Variants in ADAM28 observed in about 807,000 individuals in gnomAD.
The protein encoded by ADAM28 is ADAM metallopeptidase domain 28.
ADAM28 carries 105 observed loss-of-function variants against 101.2 expected under a neutral mutation model. The observed-to-expected ratio is 1.04, with a 90% CI of 0.89 to 1.22. The LOEUF (loss-of-function observed/expected upper bound fraction) is 1.22. ADAM28 is among the 50% of genes most tolerant of loss of function. The pLI, the probability that ADAM28 is intolerant of heterozygous loss-of-function variation, is 0.00. For synonymous variants in ADAM28, 322 were observed against 310.6 expected (o/e 1.04, Z -0.39); for missense variants, 1,028 against 945.4 (o/e 1.09, Z -1.15).
intron 14 of ADAM28, 117 bp from the exon 15 acceptor site, chr8:24,339,349 G>T: frequency 2.7e-6 from 2 of 747,662 alleles, no homozygotes; most frequent in African/African-American, 1.8e-5. Context: ...TTTCTTGCTT[G>T]TTTTATATTT....
At position 24,343,435 on chromosome 8, in the gene ADAM28, T is replaced by A. The variant is rs1815027203; in HGVS notation, c.1912-71T>A. 43 of 1,471,864 alleles carry A rather than the reference T, an allele frequency of 2.9e-5. No individual in the cohort carries two copies. In the South Asian group the frequency reaches 5.0e-4, roughly 17 times the overall value. 91.2% of individuals were successfully genotyped at this position (1,471,864 alleles called of 1,614,324 possible). On this transcript the variant is annotated intron_variant, in intron 17 of 22. Coordinates refer to ENST00000265769, the MANE Select transcript of ADAM28 (RefSeq NM_014265.6). ...TATTCCTTTTTCTGCATGAACTTTA[T>A]TATGGATGAGTAGGGCCTTGAGTTT...
At chr8:24,329,147 G>A (rs1469111581) in intron 10 of ADAM28, among the ~76,000 whole-genome samples, 2 of 152,008 alleles carry the variant, frequency 1.3e-5, no homozygotes, top group Non-Finnish European at 2.9e-5. Context: ...TTTCTATATA[G>A]GAGGTTTTAC....
In ADAM28 at chr8:24,330,134, TG is replaced by T; in HGVS notation, c.1103+23del. 2 of 1,608,960 alleles carry T rather than the reference TG, an allele frequency of 1.2e-6. No homozygotes were observed. Among genetic ancestry groups the T allele is most frequent in the Non-Finnish European group, 1.7e-6 (2 of 1,176,564 alleles). ...CACTGAGGTGAGGCTCTCTGGGCCC[TG>T]GGGACATGCTATGTAGCCCTGGTTT... is the stretch of plus-strand genomic sequence containing the variant. On this transcript the variant is annotated intron_variant, in intron 11 of 22. Transcript: ENST00000265769.
At position 24,358,162 on chromosome 8, in the gene ADAM28, C is replaced by T. The variant is rs1040956405; in HGVS notation, c.*3758C>T. On this transcript the variant is annotated 3_prime_UTR_variant, in exon 23 of 23. Transcript: ENST00000265769. Reference sequence around the variant, plus strand: ...GTATAAACTTTATTACTGCTTCCCACAGTAAATATTTTTCAGAAGTACATG... The same window carrying T: ...GTATAAACTTTATTACTGCTTCCCATAGTAAATATTTTTCAGAAGTACATG... 3 of 152,174 alleles carry T rather than the reference C, an allele frequency of 2.0e-5. No individual in the cohort carries two copies. Among genetic ancestry groups the T allele is most frequent in the Admixed American group, 6.5e-5 (1 of 15,268 alleles). 9.4% of individuals were successfully genotyped at this position (152,174 alleles called of 1,614,324 possible).
At chr8:24,347,857 C>A (rs1405808020) in intron 18 of ADAM28, among the ~76,000 whole-genome samples, 1 of 152,020 alleles carries the variant, frequency 6.6e-6, no homozygotes, top group African/African-American at 2.4e-5. Context: ...TGTATTTGCC[C>A]TGAAATAACA....
At chr8:24,350,113 C>A in intron 19 of ADAM28, 141 bp downstream of exon 19, 1 of 674,766 alleles carries the variant, frequency 1.5e-6, no homozygotes, top group Non-Finnish European at 2.3e-6. Context: ...TCTTTTTGGA[C>A]GAGAAACTGG....
intron 2 of ADAM28, 110 bp downstream of exon 2, chr8:24,300,187 T>A: frequency 4.5e-6 from 4 of 893,896 alleles, no homozygotes; most frequent in Non-Finnish European, 6.7e-6. Flanking sequence ...TGTATGTTTA[T>A]ATATGTGTGT....
intron 18 of ADAM28, among the ~76,000 whole-genome samples, chr8:24,344,222 G>C (rs998764778): frequency 6.6e-6 from 1 of 152,054 alleles, no homozygotes; most frequent in Non-Finnish European, 1.5e-5. Flanking sequence ...CCAGAGTGGG[G>C]ACCCACCTCC....
At chr8:24,333,334 A>G (rs1013381739) in intron 13 of ADAM28, among the ~76,000 whole-genome samples, 14 of 152,190 alleles carry the variant, frequency 9.2e-5, no homozygotes, top group Non-Finnish European at 1.5e-5. Context: ...CTCACCACAC[A>G]CACACCCACA....
chr8:24,340,756 A>G (rs193206884), intron 15 of ADAM28: 2 of 152,174 alleles, frequency 1.3e-5, no homozygotes, highest in Admixed American at 1.3e-4. Flanking sequence ...GAGAGAATAT[A>G]TGCCTTTCTC....
chr8:24,295,025 G>A (rs1410882599), intron 1 of ADAM28, among the ~76,000 whole-genome samples: 1 of 152,102 alleles, frequency 6.6e-6, no homozygotes, highest in African/African-American at 2.4e-5. Context: ...ATGTTTGCTG[G>A]GACCTGGGGA....
rs111655190 is a variant in ADAM28, at chr8:24,329,932, T to A, written c.973-53T>A. 2.8e-4 allele frequency: 429 copies of A among 1,559,506 alleles called. 3 individuals carry two copies. The African/African-American group carries it at 5.2e-3, about 19-fold the overall frequency. On this transcript the variant is annotated intron_variant, in intron 10 of 22. Transcript: ENST00000265769. ...GAGAGAGAGATGGCAAGTAGAGTGA[T>A]GTATAATTTCATTCGAAAATCAGAG...
rs951990069 is a variant in ADAM28, at chr8:24,354,254, C to G, written c.2308-130C>G. 2.0e-5 allele frequency: 15 copies of G among 758,516 alleles called. No individual in the cohort carries two copies. In the South Asian group the frequency reaches 2.5e-4, roughly 13 times the overall value. The allele number at this position is 758,516 out of a possible 1,614,324, so 47.0% of individuals were successfully genotyped here. A position where few individuals can be genotyped will look rare whatever the true frequency, so the allele number is the denominator to read the frequency against. The stretch of plus-strand genomic sequence containing the variant: ...TCACATTTCTACTTCTTCGTTTTTG[C>G]TGTATCAAGTGACCTATGAAATAGA... On this transcript the variant is annotated intron_variant, in intron 22 of 22. Coordinates refer to ENST00000265769, the MANE Select transcript of ADAM28 (RefSeq NM_014265.6).
chr8:24,317,368 GAAAT>G (rs1255063406), intron 6 of ADAM28, among the ~76,000 whole-genome samples: 5 of 151,976 alleles, frequency 3.3e-5, no homozygotes, highest in African/African-American at 1.2e-4. Flanking sequence ...AGCAATCTCG[GAAAT>G]AAATCCAAAC....
intron 18 of ADAM28, among the ~76,000 whole-genome samples, chr8:24,347,540 A>G (rs1815551344): frequency 6.6e-6 from 1 of 152,090 alleles, no homozygotes; most frequent in African/African-American, 2.4e-5. Flanking sequence ...TTGTTTATCA[A>G]GTTTATTAAT....
chr8:24,315,682 C>T (rs183589535), intron 6 of ADAM28, among the ~76,000 whole-genome samples: 1 of 151,950 alleles, frequency 6.6e-6, no homozygotes, highest in African/African-American at 2.4e-5. Context: ...ACCTTTATAC[C>T]TAACCCAAGA....
rs116162340 is a variant in ADAM28 at position 24,338,420 on chromosome 8, A to G, written c.1568-1046A>G. On this transcript the variant is annotated intron_variant, in intron 14 of 22. Coordinates refer to ENST00000265769, the MANE Select transcript of ADAM28 (RefSeq NM_014265.6). Reference sequence around the variant, plus strand: ...TCTGAAGTCTCAGATTAGGAATATCATGCTTCTCCCTGATTATTCATGACT... The same window carrying G: ...TCTGAAGTCTCAGATTAGGAATATCGTGCTTCTCCCTGATTATTCATGACT... Among the ~76,000 whole-genome samples the G allele has an allele frequency of 2.4e-3, 363 of 152,294 alleles. 1 individual carries two copies. Among genetic ancestry groups the G allele is most frequent in the African/African-American group, 8.4e-3 (350 of 41,564 alleles).
intron 14 of ADAM28, among the ~76,000 whole-genome samples, chr8:24,336,273 C>A (rs1421594492): frequency 6.6e-6 from 1 of 151,864 alleles, no homozygotes; most frequent in South Asian, 2.1e-4. Context: ...AAAATTTAAA[C>A]AGCAATTTGT....
chr8:24,312,479 T>G (rs1308190916), intron 5 of ADAM28, among the ~76,000 whole-genome samples: 1 of 152,110 alleles, frequency 6.6e-6, no homozygotes, highest in Non-Finnish European at 1.5e-5. Context: ...GATATCCTAG[T>G]CCATCTACCA....
Sources: allele counts gnomAD v4.1 joint callset (sites outside exome capture counted in the v4.1 genomes callset), GRCh38; gene constraint gnomAD v4.1.1; transcripts MANE v1.5; gene names NCBI Gene and HGNC (gene_info 2026-07-23, HGNC 2026-07-21).